The following PIEZO2 variants were observed in gnomAD, a reference collection of about 807,000 sequenced individuals.
PIEZO2 encodes the protein piezo-type mechanosensitive ion channel component 2.
Under a neutral mutation model 337.3 loss-of-function variants are expected in PIEZO2, and 172 were observed. The ratio of observed to expected loss-of-function variants is 0.51; its 90% CI spans 0.45 to 0.58. The LOEUF (loss-of-function observed/expected upper bound fraction) is 0.58, where lower values mean the gene tolerates loss of function less well. Among genes scored for constraint, PIEZO2 ranks in the 20% least tolerant of loss-of-function variants. PIEZO2 has a pLI of 0.00. For synonymous variants in PIEZO2, 1,251 were observed against 1,228.5 expected (o/e 1.02, Z -0.38); for missense variants, 3,028 against 3,391.3 (o/e 0.89, Z 2.66).
intron 10 of PIEZO2, 101 bp downstream of exon 10, chr18:10,801,289 A>G (rs2039805297): frequency 3.7e-6 from 4 of 1,087,694 alleles, no homozygotes; most frequent in Non-Finnish European, 5.1e-6. Flanking sequence ...GCTTATGGAA[A>G]TTTTAATAGA....
At chr18:10,725,048 G>A (rs2036475745) in intron 36 of PIEZO2, 9 of 1,571,010 alleles carry the variant, frequency 5.7e-6, no homozygotes, top group East Asian at 2.2e-5. Context: ...GTGGCCCTGC[G>A]GCCAACCAAC....
intron 45 of PIEZO2, among the ~76,000 whole-genome samples, chr18:10,696,747 T>C (rs1244911992): frequency 6.6e-6 from 1 of 152,224 alleles, no homozygotes; most frequent in East Asian, 1.9e-4. Context: ...AGATAGGTAC[T>C]GCAGCCCTCT....
chr18:10,758,192 G>T, intron 26 of PIEZO2, 58 bp from the exon 27 acceptor site: 1 of 1,482,822 alleles, frequency 6.7e-7, no homozygotes, highest in Admixed American at 2.1e-5. Flanking sequence ...TTTACATAAT[G>T]CAACACACAG....
Position 10,985,566 on chromosome 18 carries a change from G to C in PIEZO2, c.161-5906C>G, listed in dbSNP as rs8084186. Among the ~76,000 whole-genome samples, 578 of 152,128 alleles carry C rather than the reference G, an allele frequency of 3.8e-3. 6 individuals carry two copies. The highest frequency in any genetic ancestry group is 0.013 in the African/African-American group (530 of 41,552). ...TATTTGTCTGTTTTTTATGCCAGTA[G>C]CATGGTGTTTTAATTACTATAGCTT... On this transcript the variant is annotated intron_variant, in intron 2 of 55. Coordinates refer to ENST00000674853, the MANE Select transcript of PIEZO2 (RefSeq NM_001378183.1).
In PIEZO2 at chr18:10,746,160, C is replaced by A. The variant is rs1234417856; in HGVS notation, c.4425-1929G>T. Among the ~76,000 whole-genome samples, 1 of 152,230 alleles carries A rather than the reference C, an allele frequency of 6.6e-6. No homozygotes were observed. Among genetic ancestry groups the A allele is most frequent in the East Asian group, 1.9e-4 (1 of 5,204 alleles). The stretch of plus-strand genomic sequence containing the variant: ...ACAGCGCTGCCTATACCCATCTATT[C>A]TCCATACCACAAACAGAGTGAGCTT... On this transcript the variant is annotated intron_variant, in intron 30 of 55. Transcript: ENST00000674853. The surrounding 1 kb of genome is among the most constrained non-coding windows in gnomAD (Gnocchi z 4.2).
chr18:10,823,785 G>T (rs1276285659), intron 7 of PIEZO2, among the ~76,000 whole-genome samples: 2 of 152,192 alleles, frequency 1.3e-5, no homozygotes, highest in Non-Finnish European at 2.9e-5. Flanking sequence ...ACAAGAGACT[G>T]ACATGAATGG....
At chr18:11,056,983 T>C (rs552937922) in intron 2 of PIEZO2, among the ~76,000 whole-genome samples, 1 of 152,352 alleles carries the variant, frequency 6.6e-6, no homozygotes, top group African/African-American at 2.4e-5. Flanking sequence ...TTCTGTGCAT[T>C]GAATGAAGAC....
chr18:11,035,034 C>T lies in PIEZO2; in HGVS notation c.160+31093G>A, dbSNP rs114000252. Among the ~76,000 whole-genome samples, 175 of 152,262 alleles carry T rather than the reference C, an allele frequency of 1.1e-3. No homozygotes were observed. Among genetic ancestry groups the T allele is most frequent in the African/African-American group, 4.2e-3 (174 of 41,544 alleles). ...GGTCTTCTCAGCCTGCAGAGCAAAG[C>T]AGAAGCAACCCCAGTTCCCAAATGC... On this transcript the variant is annotated intron_variant, in intron 2 of 55. Coordinates refer to ENST00000674853, the MANE Select transcript of PIEZO2 (RefSeq NM_001378183.1). The surrounding 1 kb of genome is among the most constrained non-coding windows in gnomAD (Gnocchi z 4.3).
Position 10,770,292 on chromosome 18 carries a change from C to G in PIEZO2, c.2802G>C (p.Trp934Cys), listed in dbSNP as rs2038544329. 6.5e-7 allele frequency: 1 copy of G among 1,537,150 alleles called. No homozygotes were observed. Among genetic ancestry groups the G allele is most frequent in the Non-Finnish European group, 8.7e-7 (1 of 1,146,796 alleles). ...CAGTGAGGCGGTCAATCACCAGGTG[C>G]CATTTGTTCCTTAAGTCTGCAAAAT... ...EEETSDLRNK[W>C]HLVIDRLTVL... is the part of the protein sequence containing the mutation. Residue 934 changes from tryptophan to cysteine, a missense_variant, in exon 21 of 56, where the codon TGG becomes TGC. Coordinates refer to ENST00000674853, the MANE Select transcript of PIEZO2 (RefSeq NM_001378183.1).
intron 21 of PIEZO2, among the ~76,000 whole-genome samples, chr18:10,763,728 T>A (rs1306374763): frequency 2.6e-5 from 4 of 152,110 alleles, no homozygotes; most frequent in African/African-American, 9.7e-5. Flanking sequence ...GAGGTAAGAT[T>A]TGCTTCCTAT....
At chr18:10,811,454 A>C (rs906318717) in intron 7 of PIEZO2, among the ~76,000 whole-genome samples, 1 of 152,218 alleles carries the variant, frequency 6.6e-6, no homozygotes, top group African/African-American at 2.4e-5. Context: ...AAATACACTA[A>C]GAGTAAGTAG....
At chr18:10,874,524 G>A (rs2042221876) in intron 4 of PIEZO2, among the ~76,000 whole-genome samples, 2 of 152,124 alleles carry the variant, frequency 1.3e-5, no homozygotes, top group Non-Finnish European at 2.9e-5. Context: ...TATATTTACT[G>A]CGGCACTATT....
At chr18:10,961,390 A>G (rs111315133) in intron 3 of PIEZO2, among the ~76,000 whole-genome samples, 9,054 of 110,038 alleles carry the variant, frequency 0.082, 407 homozygotes, top group Non-Finnish European at 0.13. Context: ...AGAATGATAC[A>G]ATGGACTTTG....
At position 11,032,812 on chromosome 18, in the gene PIEZO2, A is replaced by G. The variant is rs946289093; in HGVS notation, c.160+33315T>C. The stretch of plus-strand genomic sequence containing the variant: ...TAAAAGCTTTTGAAGTCAGATCGAT[A>G]AGAACTCTTTTGGACCTCGCCTGTT... On this transcript the variant is annotated intron_variant, in intron 2 of 55. Transcript: ENST00000674853. This position sits in a 1 kb window ranked among gnomAD's most constrained non-coding sequence, Gnocchi z 4.9. Among the ~76,000 whole-genome samples, 2 of 152,188 alleles carry G rather than the reference A, an allele frequency of 1.3e-5. No homozygotes were observed. Among genetic ancestry groups the G allele is most frequent in the Non-Finnish European group, 2.9e-5 (2 of 68,010 alleles).
At position 10,766,379 on chromosome 18, in the gene PIEZO2, CA is replaced by C. The variant is rs2038359688; in HGVS notation, c.2947-3282del. On this transcript the variant is annotated intron_variant, in intron 21 of 55. Transcript: ENST00000674853. This position sits in a 1 kb window ranked among gnomAD's most constrained non-coding sequence, Gnocchi z 6.1. The stretch of plus-strand genomic sequence containing the variant: ...CTATGACAAATACCTGGGCCACAAC[CA>C]ACACCTGATGAATTAGAATTTTAGG... Among the ~76,000 whole-genome samples the C allele has an allele frequency of 1.3e-5, 2 of 152,128 alleles. No homozygotes were observed. The highest frequency in any genetic ancestry group is 4.8e-5 in the African/African-American group (2 of 41,438).
rs943200827 is a variant in PIEZO2 at position 11,102,266 on chromosome 18, T to A, written c.65-36044A>T. ...CTAATTTAAAATGTATCCAGTGAGC[T>A]TAATCTTCCCTTGCCCTGCGATAAA... On this transcript the variant is annotated intron_variant, in intron 1 of 55. Transcript: ENST00000674853. The surrounding 1 kb of genome is among the most constrained non-coding windows in gnomAD (Gnocchi z 5.7). 2.6e-5 allele frequency among the ~76,000 whole-genome samples: 4 copies of A among 152,222 alleles called. No homozygotes were observed. The highest frequency in any genetic ancestry group is 9.6e-5 in the African/African-American group (4 of 41,470).
rs1015459844 is a variant in PIEZO2, at chr18:10,982,292, C to T, written c.161-2632G>A. Among the ~76,000 whole-genome samples, 16 of 151,832 alleles carry T rather than the reference C, an allele frequency of 1.1e-4. No homozygotes were observed. In the East Asian group the frequency reaches 2.5e-3, roughly 24 times the overall value. ...GGGAGTTTATTAAGGAGTATTGACT[C>T]ACACAGTCACAAGGTGATAAAAGTA... On this transcript the variant is annotated intron_variant, in intron 2 of 55. Coordinates refer to ENST00000674853, the MANE Select transcript of PIEZO2 (RefSeq NM_001378183.1). The surrounding 1 kb of genome is among the most constrained non-coding windows in gnomAD (Gnocchi z 4.1).
intron 20 of PIEZO2, among the ~76,000 whole-genome samples, chr18:10,771,699 T>C (rs1359616029): frequency 6.6e-6 from 1 of 152,196 alleles, no homozygotes; most frequent in Non-Finnish European, 1.5e-5. Flanking sequence ...TCAACCACAG[T>C]CCAAAAATAT....
intron 5 of PIEZO2, among the ~76,000 whole-genome samples, chr18:10,868,981 T>C (rs1194377828): frequency 6.6e-6 from 1 of 152,216 alleles, no homozygotes; most frequent in Non-Finnish European, 1.5e-5. Context: ...ACTGAGTGGG[T>C]TGGCCTCAAA....
Sources: allele counts gnomAD v4.1 joint callset (sites outside exome capture counted in the v4.1 genomes callset), GRCh38; gene constraint gnomAD v4.1.1; non-coding constraint Gnocchi (gnomAD v3.1); transcripts MANE v1.5; gene names NCBI Gene and HGNC (gene_info 2026-07-23, HGNC 2026-07-21).